Variants in SCNN1A observed in about 807,000 individuals in gnomAD.
SCNN1A encodes the protein epithelial sodium channel subunit alpha.
Under a neutral mutation model 68.6 loss-of-function variants are expected in SCNN1A, and 65 were observed. The observed-to-expected ratio is 0.95, with a 90% confidence interval of 0.78 to 1.16. The LOEUF is 1.16. Among genes scored for constraint, SCNN1A ranks in the 50% most tolerant of loss-of-function variants. The probability of loss-of-function intolerance (pLI) is 0.00; values close to 1 mark genes in which losing one functional copy is unlikely to be tolerated. For missense variants in SCNN1A, 880 were observed against 865.9 expected (o/e 1.02, Z -0.20); for synonymous variants, 357 against 353.3 (o/e 1.01, Z -0.12).
intron 12 of SCNN1A, 52 bp from the exon 13 acceptor site, chr12:6,348,305 C>G: frequency 6.2e-7 from 1 of 1,612,624 alleles, no homozygotes; most frequent in Admixed American, 1.7e-5. Context: ...TGGATGGACT[C>G]TGGCAGAGGA....
chr12:6,375,987 A>G, upstream of SCNN1A: 1 of 1,009,852 alleles, frequency 9.9e-7, no homozygotes. Context: ...TGGTGGGGGC[A>G]AATAGAAGGA....
intron 3 of SCNN1A, 123 bp downstream of exon 3, chr12:6,363,312 GCGAGCCCA>G (rs1243202405): frequency 6.6e-6 from 4 of 610,546 alleles, no homozygotes; most frequent in African/African-American, 5.9e-5. Context: ...TTTTTTGCCC[GCGAGCCCA>G]CGAGGCCCCG....
chr12:6,363,902 C>G, intron 2 of SCNN1A, 192 bp from the exon 3 acceptor site: 38 of 305,906 alleles, frequency 1.2e-4, no homozygotes, highest in East Asian at 1.8e-4. Flanking sequence ...GCCGGGAAGG[C>G]GGAGGCCACG....
At chr12:6,375,010 TTCC>T in intron 1 of SCNN1A, 173 bp from the exon 2 acceptor site, 1 of 1,546,898 alleles carries the variant, frequency 6.5e-7, no homozygotes, top group Non-Finnish European at 8.7e-7. Context: ...TCCTCCACCT[TTCC>T]TGGAGCCAGC....
In SCNN1A at chr12:6,348,011, C is replaced by T. The variant is rs574617472; in HGVS notation, c.1872G>A (p.Leu624=). 9.4e-6 allele frequency: 15 copies of T among 1,591,700 alleles called. No homozygotes were observed. Among genetic ancestry groups the T allele is most frequent in the Middle Eastern group, 3.3e-4 (2 of 6,020 alleles). Residue 624 remains leucine, a synonymous_variant, in exon 13 of 13, where the codon CTG becomes CTA. Transcript: ENST00000228916. The part of the protein sequence containing the change: ...PSHFCPHPMS[L]SLSQPGPAPS... Reference sequence around the variant, plus strand: ...GAGCAGGGCCTGGCTGGGACAAGGACAGAGACATGGGGTGGGGGCAGAAGT... The same window carrying T: ...GAGCAGGGCCTGGCTGGGACAAGGATAGAGACATGGGGTGGGGGCAGAAGT...
At chr12:6,375,077 C>T (rs1015330082) in intron 1 of SCNN1A, 7 of 1,525,572 alleles carry the variant, frequency 4.6e-6, no homozygotes, top group Non-Finnish European at 5.3e-6. Flanking sequence ...CCTAGAACGG[C>T]CTCTCCTCTG....
chr12:6,371,160 T>C (rs1340348720), intron 2 of SCNN1A, among the ~76,000 whole-genome samples: 2 of 152,092 alleles, frequency 1.3e-5, no homozygotes, highest in Non-Finnish European at 2.9e-5. Context: ...CCTCAGCAGG[T>C]AGGCAGCCCT....
At position 6,369,803 on chromosome 12, in the gene SCNN1A, C is replaced by T. The variant is rs565850675; in HGVS notation, c.416+4565G>A. ...GAGCCAAGATCCCACCACTGCACTC[C>T]AGCCTGGGCAACAGTGCAAGACTCT... On this transcript the variant is annotated intron_variant, in intron 2 of 12. Coordinates refer to ENST00000228916, the MANE Select transcript of SCNN1A (RefSeq NM_001038.6). 6.7e-4 allele frequency among the ~76,000 whole-genome samples: 98 copies of T among 146,716 alleles called. No individual in the cohort carries two copies. The South Asian group carries it at 0.011, about 16-fold the overall frequency.
At chr12:6,356,126 A>C in intron 4 of SCNN1A, 1 of 552,972 alleles carries the variant, frequency 1.8e-6, no homozygotes, top group Non-Finnish European at 3.3e-6. Flanking sequence ...GAGGAAGCTA[A>C]GGCTCAGAGA....
rs535646405 is a variant in SCNN1A, at chr12:6,373,473, T to A, written c.416+895A>T. On this transcript the variant is annotated intron_variant, in intron 2 of 12. Transcript: ENST00000228916. ...CAATAAAGGGCTTATGAATTATTCA[T>A]GAATCCATTTTGCCAGGTGCCTAGC... 2.0e-5 allele frequency among the ~76,000 whole-genome samples: 3 copies of A among 152,358 alleles called. No individual in the cohort carries two copies. In the South Asian group the frequency reaches 6.2e-4, roughly 32 times the overall value.
intron 8 of SCNN1A, chr12:6,349,876 G>A (rs1489300293): frequency 3.6e-5 from 6 of 168,344 alleles, no homozygotes; most frequent in Admixed American, 5.7e-5. Context: ...ACAGGCGCCC[G>A]CCACCACGCC....
chr12:6,369,819 GCA>G (rs1948754622), intron 2 of SCNN1A, among the ~76,000 whole-genome samples: 1 of 130,202 alleles, frequency 7.7e-6, no homozygotes, highest in African/African-American at 3.0e-5. Context: ...GGGCAACAGT[GCA>G]AGACTCTGTC....
chr12:6,370,893 C>A (rs563751351), intron 2 of SCNN1A, among the ~76,000 whole-genome samples: 6 of 152,184 alleles, frequency 3.9e-5, no homozygotes, highest in Non-Finnish European at 7.3e-5. Flanking sequence ...CTAAACCGTT[C>A]CTGGGACTGG....
chr12:6,355,836 G>A lies in SCNN1A; in HGVS notation c.920C>T (p.Thr307Ile). Reference protein sequence around the residue: ...FHHPMYGNCYTFNDKNNSNLW... With the variant: ...FHHPMYGNCYIFNDKNNSNLW... Reference sequence around the variant, plus strand: ...GTTGGAGTTGTTCTTGTCATTGAAAGTATAGCAGTTTCCATACATCGGGTG... The same window carrying A: ...GTTGGAGTTGTTCTTGTCATTGAAAATATAGCAGTTTCCATACATCGGGTG... The change falls in exon 5 of 13, where the codon ACT becomes ATT. Residue 307 changes from threonine to isoleucine, a missense_variant. This residue lies in a region of SCNN1A where 758 missense variants were observed against 721.8 expected (regional missense o/e 1.05). Transcript: ENST00000228916. 1 of 1,613,624 alleles carries A rather than the reference G, an allele frequency of 6.2e-7. No individual in the cohort carries two copies. Among genetic ancestry groups the A allele is most frequent in the Non-Finnish European group, 8.5e-7 (1 of 1,179,496 alleles).
In SCNN1A at chr12:6,351,642, A is replaced by T. The variant is rs1239941968; in HGVS notation, c.1361-2237T>A. On this transcript the variant is annotated intron_variant, in intron 8 of 12. Transcript: ENST00000228916. This position sits in a 1 kb window ranked among gnomAD's most constrained non-coding sequence, Gnocchi z 4.2. ...ATTCTGTCTCCAGAAGAAAAAAAAA[A>T]AAAAAGATTCAGAATAGGCAAATCC... Among the ~76,000 whole-genome samples the T allele has an allele frequency of 6.6e-6, 1 of 152,086 alleles. No homozygotes were observed. Among genetic ancestry groups the T allele is most frequent in the Non-Finnish European group, 1.5e-5 (1 of 68,016 alleles).
At position 6,363,704 on chromosome 12, in the gene SCNN1A, C is replaced by T; in HGVS notation, c.423G>A (p.Pro141=). The change falls in exon 3 of 13, where the codon CCG becomes CCA. Residue 141 remains proline, a synonymous_variant. Transcript: ENST00000228916. The part of the protein sequence containing the change: ...TICTLNPYRY[P]EIKEELEELD... ...GCTCCTCCAGCTCCTCTTTAATTTCCGGGTACCTGAAGGGGCGAGGGGAAG... is the reference window on the plus strand; with the variant it reads ...GCTCCTCCAGCTCCTCTTTAATTTCTGGGTACCTGAAGGGGCGAGGGGAAG... The T allele has an allele frequency of 1.9e-6, 3 of 1,597,598 alleles. No individual in the cohort carries two copies. Among genetic ancestry groups the T allele is most frequent in the Non-Finnish European group, 2.6e-6 (3 of 1,171,518 alleles).
Position 6,348,212 on chromosome 12 carries a change from C to A in SCNN1A, c.1671G>T (p.Leu557=), listed in dbSNP as rs1399009452. ...LLSNLGSQWS[L]WFGSSVLSVV... is the part of the protein sequence containing the mutation. ...CAGACAACACCGAGGAGCCGAACCA[C>A]AGGCTCCACTGGCTGCCCAGGTTGG... Residue 557 remains leucine, a synonymous_variant, in exon 13 of 13, where the codon CTG becomes CTT. Coordinates refer to ENST00000228916, the MANE Select transcript of SCNN1A (RefSeq NM_001038.6). 2 of 1,614,032 alleles carry A rather than the reference C, an allele frequency of 1.2e-6. No individual in the cohort carries two copies. Among genetic ancestry groups the A allele is most frequent in the Non-Finnish European group, 1.7e-6 (2 of 1,180,036 alleles).
chr12:6,354,662 T>C, intron 7 of SCNN1A, 88 bp downstream of exon 7: 1 of 1,420,292 alleles, frequency 7.0e-7, no homozygotes, highest in Non-Finnish European at 1.0e-6. Flanking sequence ...TCCCTCTCTC[T>C]CTCTCACATA....
chr12:6,365,021 T>A (rs1406459846), intron 2 of SCNN1A, among the ~76,000 whole-genome samples: 6 of 145,730 alleles, frequency 4.1e-5, no homozygotes, highest in Non-Finnish European at 9.0e-5. Context: ...CTATCAAAAT[T>A]CCAGCTTTTT....
Sources: gnomAD v4.1 joint callset for allele counts (sites outside exome capture counted in the v4.1 genomes callset) on GRCh38, gnomAD v4.1.1 for gene constraint, gnomAD v4.1.1 regional missense constraint, Gnocchi (gnomAD v3.1) non-coding constraint, MANE v1.5 for transcripts, NCBI Gene and HGNC (gene_info 2026-07-23, HGNC 2026-07-21) for gene names.